Variants in RTL4 observed in about 807,000 individuals in gnomAD.
RTL4 encodes retrotransposon Gag like 4.
In RTL4, 4 loss-of-function variants were observed where a neutral mutation model predicts 5.3. The ratio of observed to expected loss-of-function variants is 0.75; its 90% CI spans 0.37 to 1.72. The LOEUF (loss-of-function observed/expected upper bound fraction) is 1.72. Among genes scored for constraint, RTL4 ranks in the 40% most tolerant of loss-of-function variants. The probability of loss-of-function intolerance (pLI) is 0.04; values close to 1 mark genes in which losing one functional copy is unlikely to be tolerated. For synonymous variants in RTL4, 98 were observed against 87.3 expected (o/e 1.12, Z -0.68); for missense variants, 260 against 227.1 (o/e 1.14, Z -0.93).
chrX:112,453,151 T>C (rs891609095), upstream of RTL4, among the ~76,000 whole-genome samples: 6 of 111,662 alleles, frequency 5.4e-5, no homozygotes, highest in African/African-American at 2.0e-4. Flanking sequence ...GCCTCCAATC[T>C]TATACTATTT....
chrX:112,381,707 G>T, the RTL4 span: 6 of 1,203,871 alleles, frequency 5.0e-6, no homozygotes, highest in Non-Finnish European at 6.7e-6. Context: ...GAAGTTGCAG[G>T]CAATGAGGGA....
chrX:112,179,800 A>G, the RTL4 span, among the ~76,000 whole-genome samples: 3 of 112,216 alleles, frequency 2.7e-5, no homozygotes, highest in Non-Finnish European at 5.6e-5. Flanking sequence ...GGGATATGAC[A>G]TTTAAAAATC....
chrX:112,313,974 T>C, the RTL4 span, among the ~76,000 whole-genome samples: 1 of 111,263 alleles, frequency 9.0e-6, no homozygotes, highest in Non-Finnish European at 1.9e-5. Flanking sequence ...CTAAACACTA[T>C]AATATATATA....
At chrX:112,166,350 G>A in the RTL4 span, among the ~76,000 whole-genome samples, 4 of 112,025 alleles carry the variant, frequency 3.6e-5, no homozygotes, top group African/African-American at 1.3e-4. Flanking sequence ...AACAATTTTT[G>A]TATGTTGGTA....
chrX:112,413,253 G>C, the RTL4 span, among the ~76,000 whole-genome samples: 1 of 111,564 alleles, frequency 9.0e-6, no homozygotes, highest in African/African-American at 3.3e-5. Context: ...TGCACCTGTT[G>C]GTGGGGATGT....
chrX:112,311,610 A>G, the RTL4 span, among the ~76,000 whole-genome samples: 3 of 110,933 alleles, frequency 2.7e-5, no homozygotes, highest in East Asian at 5.7e-4. Context: ...GTAACACCCA[A>G]TGAGAGCACA....
chrX:112,418,726 C>T, the RTL4 span, among the ~76,000 whole-genome samples: 1 of 109,839 alleles, frequency 9.1e-6, no homozygotes. Flanking sequence ...TTCAGAGGCT[C>T]TTAAGTCATG....
the RTL4 span, among the ~76,000 whole-genome samples, chrX:112,135,721 T>A: frequency 9.0e-6 from 1 of 110,571 alleles, no homozygotes; most frequent in African/African-American, 3.3e-5. Flanking sequence ...AGTCATTTTT[T>A]TGCATATGCA....
the RTL4 span, among the ~76,000 whole-genome samples, chrX:112,118,415 A>G: frequency 1.0e-3 from 118 of 112,536 alleles, no homozygotes; most frequent in African/African-American, 3.6e-3. Context: ...GAGGCAAGTA[A>G]TAGGCTACCT....
chrX:112,434,549 A>G, the RTL4 span, among the ~76,000 whole-genome samples: 1 of 111,588 alleles, frequency 9.0e-6, no homozygotes, highest in Admixed American at 9.5e-5. Flanking sequence ...CTCTGATGGT[A>G]GTTTGTATTT....
At chrX:112,434,376 G>T in the RTL4 span, among the ~76,000 whole-genome samples, 1 of 110,951 alleles carries the variant, frequency 9.0e-6, no homozygotes, top group African/African-American at 3.3e-5. Flanking sequence ...ACTCATTTTG[G>T]TTGGTAAGCT....
At chrX:112,266,060 G>T in the RTL4 span, among the ~76,000 whole-genome samples, 1 of 110,623 alleles carries the variant, frequency 9.0e-6, no homozygotes, top group Non-Finnish European at 1.9e-5. Context: ...CACCATCAAG[G>T]ACTTGGAGCA....
the RTL4 span, among the ~76,000 whole-genome samples, chrX:112,360,376 A>T: frequency 5.4e-5 from 6 of 111,146 alleles, no homozygotes; most frequent in African/African-American, 2.0e-4. Context: ...CAAACAAAAG[A>T]TATGTTATTT....
At chrX:112,432,280 A>G in the RTL4 span, among the ~76,000 whole-genome samples, 5 of 96,040 alleles carry the variant, frequency 5.2e-5, no homozygotes, top group Admixed American at 1.1e-4. Context: ...GGTATTTCTA[A>G]TTCTAGATCC....
the RTL4 span, among the ~76,000 whole-genome samples, chrX:112,098,404 C>G: frequency 9.0e-6 from 1 of 111,386 alleles, no homozygotes; most frequent in Admixed American, 9.6e-5. Flanking sequence ...ATTGTGAATA[C>G]TGCCACAATA....
At chrX:112,346,273 ATAC>A in the RTL4 span, among the ~76,000 whole-genome samples, 2 of 111,602 alleles carry the variant, frequency 1.8e-5, no homozygotes, top group Non-Finnish European at 3.8e-5. Context: ...GGCCAAAGAC[ATAC>A]TCCCCTTATC....
the RTL4 span, among the ~76,000 whole-genome samples, chrX:112,420,481 G>A: frequency 9.0e-6 from 1 of 111,709 alleles, no homozygotes; most frequent in African/African-American, 3.3e-5. Flanking sequence ...CAACAGAGAC[G>A]TAATATGTTA....
exon 1 of RTL4, chrX:112,454,768 G>C (rs1569329583): frequency 8.3e-7 from 1 of 1,203,666 alleles, no homozygotes; most frequent in East Asian, 3.0e-5. Context: ...CATGCAGGTA[G>C]AGCCTTCCTT....
At chrX:112,157,503 T>C in the RTL4 span, among the ~76,000 whole-genome samples, 1 of 111,513 alleles carries the variant, frequency 9.0e-6, no homozygotes, top group African/African-American at 3.3e-5. Flanking sequence ...TCAGCTCGTC[T>C]GCTCTCGTTT....
Sources: allele counts gnomAD v4.1 joint callset (sites outside exome capture counted in the v4.1 genomes callset), GRCh38; gene constraint gnomAD v4.1.1; transcripts MANE v1.5; gene names NCBI Gene and HGNC (gene_info 2026-07-23, HGNC 2026-07-21).